The following TSGA10 variants were observed in gnomAD, a reference collection of about 807,000 sequenced individuals.
TSGA10 encodes testis-specific gene 10 protein.
In TSGA10, 43 loss-of-function variants were observed where a neutral mutation model predicts 96.6. That is an observed-to-expected ratio of 0.44 (90% CI 0.35 to 0.57). The LOEUF (loss-of-function observed/expected upper bound fraction) is 0.57, where lower values mean the gene tolerates loss of function less well. Among genes scored for constraint, TSGA10 ranks in the 20% least tolerant of loss-of-function variants. TSGA10 has a pLI of 0.01. For missense variants in TSGA10, 703 were observed against 834.4 expected (o/e 0.84, Z 1.94); for synonymous variants, 229 against 269.9 (o/e 0.85, Z 1.48).
intron 16 of TSGA10, among the ~76,000 whole-genome samples, chr2:99,049,493 C>G (rs1180906204): frequency 6.6e-6 from 1 of 152,034 alleles, no homozygotes; most frequent in Non-Finnish European, 1.5e-5. Flanking sequence ...GAAAACCAAA[C>G]ACCGCATGTT....
intron 7 of TSGA10, among the ~76,000 whole-genome samples, chr2:99,106,262 G>A (rs1234667112): frequency 6.6e-6 from 1 of 152,006 alleles, no homozygotes; most frequent in Non-Finnish European, 1.5e-5. Flanking sequence ...TTTTCCTCTT[G>A]ATTTTGATCA....
chr2:99,059,138 GCAC>G (rs1451229754), intron 16 of TSGA10, among the ~76,000 whole-genome samples: 1 of 147,390 alleles, frequency 6.8e-6, no homozygotes, highest in African/African-American at 2.5e-5. Context: ...TCATGACCTT[GCAC>G]CACGAGTGCA....
At chr2:99,080,466 T>C (rs1019001722) in intron 11 of TSGA10, among the ~76,000 whole-genome samples, 5 of 152,186 alleles carry the variant, frequency 3.3e-5, no homozygotes, top group Admixed American at 2.6e-4. Flanking sequence ...TTTTAAAATA[T>C]CATTTATATG....
intron 1 of TSGA10, among the ~76,000 whole-genome samples, chr2:99,127,785 G>A (rs976943144): frequency 5.3e-5 from 8 of 152,086 alleles, no homozygotes; most frequent in Admixed American, 2.0e-4. Context: ...ACGTATCACC[G>A]GTGGGAGAGT....
intron 10 of TSGA10, among the ~76,000 whole-genome samples, chr2:99,095,963 CGTAT>C (rs1342058535): frequency 1.3e-5 from 2 of 152,052 alleles, no homozygotes; most frequent in Non-Finnish European, 2.9e-5. Context: ...TGTATCAGTA[CGTAT>C]GTAGGCAGCC....
At chr2:99,012,997 T>C (rs1302931273) in intron 20 of TSGA10, among the ~76,000 whole-genome samples, 2 of 152,180 alleles carry the variant, frequency 1.3e-5, no homozygotes, top group Non-Finnish European at 2.9e-5. Flanking sequence ...TAACTTATCT[T>C]TTGTAATTTT....
At chr2:99,011,270 T>C (rs1235419567) in intron 20 of TSGA10, among the ~76,000 whole-genome samples, 2 of 152,142 alleles carry the variant, frequency 1.3e-5, no homozygotes, top group South Asian at 2.1e-4. Context: ...GTAGCTGGGA[T>C]TACAGGCATG....
chr2:99,004,331 A>G (rs942138769), intron 20 of TSGA10, among the ~76,000 whole-genome samples: 3 of 152,170 alleles, frequency 2.0e-5, no homozygotes, highest in Admixed American at 2.0e-4. Context: ...AAAAAAGTCC[A>G]GGACTAGACA....
chr2:99,108,196 C>G (rs950412211), intron 7 of TSGA10, among the ~76,000 whole-genome samples: 7 of 152,154 alleles, frequency 4.6e-5, no homozygotes, highest in African/African-American at 1.4e-4. Context: ...ATCTCCCTAA[C>G]TAGACTGTAA....
intron 16 of TSGA10, among the ~76,000 whole-genome samples, chr2:99,041,265 T>A (rs1412171806): frequency 1.3e-5 from 2 of 152,222 alleles, no homozygotes; most frequent in Non-Finnish European, 1.5e-5. Context: ...CCATCTGCAA[T>A]GGGCACCCTT....
At chr2:99,122,511 G>A (rs1023908772) in intron 2 of TSGA10, among the ~76,000 whole-genome samples, 1 of 150,730 alleles carries the variant, frequency 6.6e-6, no homozygotes, top group Non-Finnish European at 1.5e-5. Flanking sequence ...CGGAGTAGTG[G>A]CTCACATCTG....
intron 10 of TSGA10, among the ~76,000 whole-genome samples, chr2:99,089,984 C>T (rs1014441386): frequency 6.6e-6 from 1 of 152,146 alleles, no homozygotes; most frequent in Non-Finnish European, 1.5e-5. Context: ...AACAATAATA[C>T]AACCAAGGAC....
At chr2:99,074,908 A>G (rs952618922) in intron 12 of TSGA10, among the ~76,000 whole-genome samples, 10 of 151,758 alleles carry the variant, frequency 6.6e-5, no homozygotes, top group Non-Finnish European at 1.3e-4. Context: ...CAGTGGGCTG[A>G]GATTGTGTCA....
intron 16 of TSGA10, among the ~76,000 whole-genome samples, chr2:99,059,393 C>T (rs886923626): frequency 8.7e-5 from 13 of 149,758 alleles, no homozygotes; most frequent in African/African-American, 3.0e-4. Flanking sequence ...CCAGCACTTT[C>T]GGAAGCCGAC....
intron 20 of TSGA10, among the ~76,000 whole-genome samples, chr2:98,998,783 T>C (rs977866353): frequency 5.3e-5 from 8 of 152,202 alleles, no homozygotes; most frequent in African/African-American, 1.9e-4. Flanking sequence ...TGTGCTAATG[T>C]CAATATCCCA....
chr2:99,152,998 T>C (rs2093708203), intron 1 of TSGA10, among the ~76,000 whole-genome samples: 1 of 152,120 alleles, frequency 6.6e-6, no homozygotes, highest in Non-Finnish European at 1.5e-5. Context: ...GAAAATGTAG[T>C]GTGAGATAAA....
At chr2:99,063,856 A>G (rs1165793999) in intron 16 of TSGA10, among the ~76,000 whole-genome samples, 2 of 152,158 alleles carry the variant, frequency 1.3e-5, no homozygotes, top group African/African-American at 4.8e-5. Flanking sequence ...AAAAATGGCC[A>G]AAGTTTACAA....
chr2:99,104,303 G>A (rs919555914), intron 9 of TSGA10, among the ~76,000 whole-genome samples, 185 bp from the exon 10 acceptor site: 2 of 152,136 alleles, frequency 1.3e-5, no homozygotes, highest in Non-Finnish European at 1.5e-5. Context: ...CCAAGGAAAA[G>A]CCACTGCAAA....
chr2:99,124,800 T>C (rs2092743979), intron 2 of TSGA10: 1 of 152,094 alleles, frequency 6.6e-6, no homozygotes, highest in Admixed American at 6.6e-5. Flanking sequence ...TTAGCCAGGA[T>C]GGTCTCGATC....
Sources: gnomAD v4.1 joint callset for allele counts (sites outside exome capture counted in the v4.1 genomes callset) on GRCh38, gnomAD v4.1.1 for gene constraint, MANE v1.5 for transcripts, NCBI Gene and HGNC (gene_info 2026-07-23, HGNC 2026-07-21) for gene names.